The following BMP1 variants were observed in gnomAD, a reference collection of about 807,000 sequenced individuals.
BMP1 encodes the protein mammalian tolloid protein.
In BMP1, 63 loss-of-function variants were observed where a neutral mutation model predicts 116.8. The observed-to-expected ratio is 0.54, with a 90% CI of 0.44 to 0.67. The LOEUF is 0.67. Ranked by LOEUF, BMP1 falls within the 30% of genes least tolerant of loss-of-function variation. BMP1 has a pLI of 0.00. For synonymous variants in BMP1, 536 were observed against 533.4 expected (o/e 1.00, Z -0.07); for missense variants, 1,183 against 1,358.9 (o/e 0.87, Z 2.04).
intron 6 of BMP1, among the ~76,000 whole-genome samples, chr8:22,178,265 G>A (rs1397579104): frequency 3.9e-5 from 6 of 152,230 alleles, no homozygotes; most frequent in Non-Finnish European, 7.3e-5. Context: ...AAAGGGTGCT[G>A]AGCTTTTATT....
chr8:22,185,496 G>T (rs1263545121), intron 8 of BMP1, among the ~76,000 whole-genome samples: 1 of 151,886 alleles, frequency 6.6e-6, no homozygotes, highest in African/African-American at 2.4e-5. Flanking sequence ...AAAAAGAAGG[G>T]AATCATGGTC....
Position 22,195,598 on chromosome 8 carries a change from C to T in BMP1, c.1765+11C>T, listed in dbSNP as rs758636262. 1 of 1,610,698 alleles carries T rather than the reference C, an allele frequency of 6.2e-7. No homozygotes were observed. Among genetic ancestry groups the T allele is most frequent in the Non-Finnish European group, 8.5e-7 (1 of 1,179,252 alleles). On this transcript the variant is annotated intron_variant, in intron 13 of 19. Coordinates refer to ENST00000306385, the MANE Select transcript of BMP1 (RefSeq NM_006129.5). ...AGCGCCGCTGTGAGGGTGAGTGCCC[C>T]CAGACTGCCTCTGACCCTGTTCTTT...
In BMP1 at chr8:22,179,299, T is replaced by C. The variant is rs1232380611; in HGVS notation, c.837-406T>C. On this transcript the variant is annotated intron_variant, in intron 6 of 19. Transcript: ENST00000306385. This position sits in a 1 kb window ranked among gnomAD's most constrained non-coding sequence, Gnocchi z 4.6. ...TGGCCTGGGGAGTCCTGGGAGAAGT[T>C]TAGTTAGGGCTGGAGCAGCATGAGG... 6.6e-6 allele frequency among the ~76,000 whole-genome samples: 1 copy of C among 151,898 alleles called. No individual in the cohort carries two copies. The highest frequency in any genetic ancestry group is 1.5e-5 in the Non-Finnish European group (1 of 67,948).
chr8:22,206,744 G>A (rs1441769135), intron 16 of BMP1, 110 bp from the exon 17 acceptor site: 6 of 1,495,594 alleles, frequency 4.0e-6, no homozygotes, highest in African/African-American at 1.4e-5. Flanking sequence ...TCATAAGTGG[G>A]ACAAGAGATG....
rs181322480 is a variant in BMP1 at position 22,182,153 on chromosome 8, C to T, written c.1077+1670C>T. Among the ~76,000 whole-genome samples the T allele has an allele frequency of 7.0e-4, 107 of 152,314 alleles. 1 individual carries two copies. Among genetic ancestry groups the T allele is most frequent in the Admixed American group, 6.7e-3 (103 of 15,298 alleles). ...CTTAATGTCATAGTGCAGCGTTGAGCTGGATTCAATTCTATTATTGATTGC... is the reference window on the plus strand; with the variant it reads ...CTTAATGTCATAGTGCAGCGTTGAGTTGGATTCAATTCTATTATTGATTGC... On this transcript the variant is annotated intron_variant, in intron 8 of 19. Coordinates refer to ENST00000306385, the MANE Select transcript of BMP1 (RefSeq NM_006129.5).
At chr8:22,201,354 C>T in intron 15 of BMP1, 1 of 1,485,018 alleles carries the variant, frequency 6.7e-7, no homozygotes, top group Non-Finnish European at 8.9e-7. Context: ...CTCTCTTCTC[C>T]CCACTGTGCC....
intron 1 of BMP1, 39 bp from the exon 2 acceptor site, chr8:22,173,563 G>C: frequency 4.0e-6 from 6 of 1,516,716 alleles, no homozygotes; most frequent in Non-Finnish European, 5.4e-6. Flanking sequence ...GGCTGGGTAG[G>C]AGGATTAACT....
rs777853681 is a variant in BMP1 at position 22,194,542 on chromosome 8, C to T, written c.1395C>T (p.Ile465=). The change falls in exon 11 of 20, where the codon ATC becomes ATT. Residue 465 remains isoleucine (I), a synonymous_variant. Coordinates refer to ENST00000306385, the MANE Select transcript of BMP1 (RefSeq NM_006129.5). This position sits in a 1 kb window ranked among gnomAD's most constrained non-coding sequence, Gnocchi z 4.5. ...CCAGCAAAGTCTGCATCTGGCGGAT[C>T]CAGGTGTCTGAGGGCTTCCACGTGG... The part of the protein sequence containing the change: ...YRPSKVCIWR[I]QVSEGFHVGL... The T allele has an allele frequency of 4.3e-6, 7 of 1,614,086 alleles. No homozygotes were observed. The highest frequency in any genetic ancestry group is 1.7e-5 in the Admixed American group (1 of 60,012).
At chr8:22,196,235 G>C (rs372822983) in intron 13 of BMP1, 1 of 526,828 alleles carries the variant, frequency 1.9e-6, no homozygotes, top group East Asian at 5.4e-5. Context: ...CACTGTTTCC[G>C]CCTCTCCACG....
chr8:22,193,732 C>T (rs1324863233), intron 9 of BMP1, among the ~76,000 whole-genome samples: 1 of 152,172 alleles, frequency 6.6e-6, no homozygotes, highest in African/African-American at 2.4e-5. Context: ...TGCAGTGAGC[C>T]AAGAGCGTGC....
intron 8 of BMP1, among the ~76,000 whole-genome samples, chr8:22,181,420 G>A (rs140626272): frequency 1.3e-4 from 20 of 152,310 alleles, no homozygotes; most frequent in African/African-American, 4.8e-4. Context: ...GGTGGACACC[G>A]AGTGTGGGGA....
At chr8:22,186,690 C>G (rs748797809) in intron 8 of BMP1, among the ~76,000 whole-genome samples, 1 of 152,068 alleles carries the variant, frequency 6.6e-6, no homozygotes, top group East Asian at 1.9e-4. Context: ...TCGTCTTGAA[C>G]TCCTGACCTC....
At chr8:22,203,917 C>T (rs1829307652) in intron 16 of BMP1, among the ~76,000 whole-genome samples, 1 of 152,356 alleles carries the variant, frequency 6.6e-6, no homozygotes, top group South Asian at 2.1e-4. Context: ...CACAAGATAG[C>T]CAGGACAGGG....
In BMP1 at chr8:22,168,300, G is replaced by A. The variant is rs532630222; in HGVS notation, c.148+2747G>A. Among the ~76,000 whole-genome samples the A allele has an allele frequency of 2.1e-3, 321 of 152,200 alleles. 1 individual carries two copies. The highest frequency in any genetic ancestry group is 3.1e-3 in the Non-Finnish European group (209 of 67,994). On this transcript the variant is annotated intron_variant, in intron 1 of 19. Transcript: ENST00000306385. ...GATTTTGAGGCAGGCCTGATTTCCT[G>A]TATGTCAGGAAATCAGCCAAACCAT...
chr8:22,196,674 C>A lies in BMP1; in HGVS notation c.1766-6C>A. ...GCAGACGATGCCACCTTCCTTGTCC[C>A]CGCAGCTGCTTGTGGCGGATTCCTC... On this transcript the variant is annotated splice_region_variant and splice_polypyrimidine_tract_variant and intron_variant, in intron 13 of 19. Coordinates refer to ENST00000306385, the MANE Select transcript of BMP1 (RefSeq NM_006129.5). 11 of 1,613,998 alleles carry A rather than the reference C, an allele frequency of 6.8e-6. No individual in the cohort carries two copies. The highest frequency in any genetic ancestry group is 9.3e-6 in the Non-Finnish European group (11 of 1,180,002).
Position 22,165,403 on chromosome 8 carries a change from A to C in BMP1, c.-3A>C, listed in dbSNP as rs1828056364. On this transcript the variant is annotated 5_prime_UTR_variant, in exon 1 of 20. Transcript: ENST00000306385. ...CCGCTTCCCTCGCCGCCGCCCCGCC[A>C]GCATGCCCGGCGTGGCCCGCCTGCC... 1.3e-6 allele frequency: 2 copies of C among 1,486,072 alleles called. No homozygotes were observed. Among genetic ancestry groups the C allele is most frequent in the Non-Finnish European group, 1.8e-6 (2 of 1,124,470 alleles). 92.1% of individuals were successfully genotyped at this position (1,486,072 alleles called of 1,614,324 possible).
intron 2 of BMP1, 57 bp from the exon 3 acceptor site, chr8:22,176,086 C>G: frequency 6.4e-7 from 1 of 1,566,448 alleles, no homozygotes; most frequent in Non-Finnish European, 8.7e-7. Flanking sequence ...TTTGACTATG[C>G]TTTTGCTTTC....
At chr8:22,168,456 C>T (rs80237556) in intron 1 of BMP1, among the ~76,000 whole-genome samples, 3 of 152,246 alleles carry the variant, frequency 2.0e-5, no homozygotes, top group East Asian at 1.9e-4. Context: ...AGCCCAGGGG[C>T]CTGACCCCAC....
intron 8 of BMP1, among the ~76,000 whole-genome samples, chr8:22,184,407 T>A (rs367571061): frequency 6.6e-6 from 1 of 152,244 alleles, no homozygotes; most frequent in Non-Finnish European, 1.5e-5. Context: ...CTGTCCTTTT[T>A]TTCAGAAGCT....
Sources: gnomAD v4.1 joint callset for allele counts (sites outside exome capture counted in the v4.1 genomes callset) on GRCh38, gnomAD v4.1.1 for gene constraint, Gnocchi (gnomAD v3.1) non-coding constraint, MANE v1.5 for transcripts, NCBI Gene and HGNC (gene_info 2026-07-23, HGNC 2026-07-21) for gene names.